Variants in CSMD1 observed in about 807,000 individuals in gnomAD.
CSMD1 encodes the protein CUB and sushi domain-containing protein 1.
A neutral mutation model predicts 417.5 loss-of-function variants in CSMD1; 213 were observed. That is an observed-to-expected ratio of 0.51 (90% CI 0.46 to 0.57). The LOEUF (loss-of-function observed/expected upper bound fraction) is 0.57, where lower values mean the gene tolerates loss of function less well. Among genes scored for constraint, CSMD1 ranks in the 20% least tolerant of loss-of-function variants. The probability of loss-of-function intolerance (pLI) is 0.00; values close to 1 mark genes in which losing one functional copy is unlikely to be tolerated. For missense variants in CSMD1, 6,923 were observed against 4,529.7 expected (o/e 1.53, Z -15.17); for synonymous variants, 2,862 against 1,736.8 (o/e 1.65, Z -16.11).
At chr8:4,083,457 T>C (rs1369865260) in intron 3 of CSMD1, among the ~76,000 whole-genome samples, 2 of 152,138 alleles carry the variant, frequency 1.3e-5, no homozygotes, top group South Asian at 2.1e-4. Context: ...AAGGCTACAG[T>C]AACCAAAACA....
chr8:3,746,138 G>T (rs186442672), intron 6 of CSMD1, among the ~76,000 whole-genome samples: 3 of 152,208 alleles, frequency 2.0e-5, no homozygotes, highest in Non-Finnish European at 2.9e-5. Flanking sequence ...GCATGAGACA[G>T]AGAACATGAA....
In CSMD1 at chr8:4,663,740, T is replaced by C. The variant is rs114710944; in HGVS notation, c.86-26182A>G. Reference sequence around the variant, plus strand: ...TCCCTCTTTTAAATAAATTGCCCAGTCACAGGTAGTTCTTTAAAGTAACGT... The same window carrying C: ...TCCCTCTTTTAAATAAATTGCCCAGCCACAGGTAGTTCTTTAAAGTAACGT... On this transcript the variant is annotated intron_variant, in intron 1 of 69. Transcript: ENST00000635120. Among the ~76,000 whole-genome samples the C allele has an allele frequency of 2.9e-3, 447 of 152,324 alleles. 3 individuals are homozygous for C. The highest frequency in any genetic ancestry group is 0.01 in the African/African-American group (427 of 41,566).
At chr8:3,839,270 A>G (rs1407553047) in intron 5 of CSMD1, among the ~76,000 whole-genome samples, 3 of 124,626 alleles carry the variant, frequency 2.4e-5, no homozygotes, top group African/African-American at 8.9e-5. Context: ...TATATATACT[A>G]TTAATATATA....
At chr8:3,277,559 G>T (rs1474133323) in intron 26 of CSMD1, among the ~76,000 whole-genome samples, 1 of 152,186 alleles carries the variant, frequency 6.6e-6, no homozygotes, top group Non-Finnish European at 1.5e-5. Context: ...GGCTCCAAAA[G>T]TTTCATCCTG....
chr8:4,078,208 A>AT (rs903946758), intron 3 of CSMD1, among the ~76,000 whole-genome samples: 5 of 151,156 alleles, frequency 3.3e-5, no homozygotes, highest in Middle Eastern at 3.4e-3. Flanking sequence ...TTTCTACATC[A>AT]TTTTTTTCTT....
At chr8:4,673,704 C>A (rs772594377) in intron 1 of CSMD1, among the ~76,000 whole-genome samples, 1 of 152,166 alleles carries the variant, frequency 6.6e-6, no homozygotes, top group Non-Finnish European at 1.5e-5. Context: ...AGAAAACCCA[C>A]AGCTGGTCAA....
At chr8:3,828,229 T>C (rs180756556) in intron 5 of CSMD1, among the ~76,000 whole-genome samples, 347 of 152,268 alleles carry the variant, frequency 2.3e-3, no homozygotes, top group Admixed American at 8.0e-3. Flanking sequence ...ACACTCTTAT[T>C]ATCATGAAAA....
At chr8:3,246,234 C>G (rs1356675854) in intron 26 of CSMD1, among the ~76,000 whole-genome samples, 3 of 152,124 alleles carry the variant, frequency 2.0e-5, no homozygotes, top group East Asian at 1.9e-4. Flanking sequence ...TCCACTGTGC[C>G]TCACCCACAC....
chr8:3,633,136 C>T (rs994806383), intron 7 of CSMD1, among the ~76,000 whole-genome samples: 2 of 152,060 alleles, frequency 1.3e-5, no homozygotes, highest in Non-Finnish European at 2.9e-5. Flanking sequence ...TTTATGTTAC[C>T]AAGAATTTAT....
chr8:3,312,024 T>A (rs997849033), intron 23 of CSMD1, among the ~76,000 whole-genome samples: 4 of 152,200 alleles, frequency 2.6e-5, no homozygotes, highest in African/African-American at 9.6e-5. Flanking sequence ...AAAATTAGTT[T>A]AAGAAGAAAC....
chr8:4,696,072 G>A (rs1190346289), intron 1 of CSMD1, among the ~76,000 whole-genome samples: 1 of 152,172 alleles, frequency 6.6e-6, no homozygotes. Context: ...GATTTTAACG[G>A]TATCTGGTTC....
intron 4 of CSMD1, among the ~76,000 whole-genome samples, chr8:4,021,567 G>A (rs1292898366): frequency 6.6e-6 from 1 of 152,152 alleles, no homozygotes; most frequent in Admixed American, 6.5e-5. Context: ...GTGCACCTGG[G>A]ATCATCCTCA....
At chr8:4,049,942 T>A (rs1043570933) in intron 3 of CSMD1, among the ~76,000 whole-genome samples, 15 of 152,200 alleles carry the variant, frequency 9.9e-5, no homozygotes, top group Non-Finnish European at 2.2e-4. Flanking sequence ...TGCGTTTACG[T>A]GCCGTTCCTC....
At chr8:4,906,809 C>G (rs1805312241) in intron 1 of CSMD1, among the ~76,000 whole-genome samples, 1 of 152,302 alleles carries the variant, frequency 6.6e-6, no homozygotes, top group South Asian at 2.1e-4. Context: ...CTGCCTGCCT[C>G]GGCCTCCCAT....
At chr8:4,052,665 G>A (rs17068773) in intron 3 of CSMD1, among the ~76,000 whole-genome samples, 1 of 151,960 alleles carries the variant, frequency 6.6e-6, no homozygotes, top group Non-Finnish European at 1.5e-5. Flanking sequence ...CTGATAGAAG[G>A]AATCATCCCA....
At chr8:3,469,426 A>T (rs2117190143) in intron 11 of CSMD1, among the ~76,000 whole-genome samples, 1 of 152,076 alleles carries the variant, frequency 6.6e-6, no homozygotes, top group South Asian at 2.1e-4. Flanking sequence ...TTTATTGAAC[A>T]CTCCCCCCGC....
intron 12 of CSMD1, among the ~76,000 whole-genome samples, chr8:3,411,356 C>T (rs1812687902): frequency 6.7e-6 from 1 of 149,100 alleles, no homozygotes; most frequent in South Asian, 2.1e-4. Context: ...CTAACTACTT[C>T]CTTTCCTTTT....
At chr8:3,576,268 A>T (rs1800146894) in intron 9 of CSMD1, among the ~76,000 whole-genome samples, 1 of 147,676 alleles carries the variant, frequency 6.8e-6, no homozygotes, top group Non-Finnish European at 1.5e-5. Context: ...ATGCATGTCA[A>T]AATAATAATA....
chr8:4,254,417 C>T (rs1430401571), intron 3 of CSMD1, among the ~76,000 whole-genome samples: 3 of 152,182 alleles, frequency 2.0e-5, no homozygotes, highest in Non-Finnish European at 2.9e-5. Flanking sequence ...ATTCAGCAGT[C>T]CCCTTAGATT....
Sources: gnomAD v4.1 joint callset for allele counts (sites outside exome capture counted in the v4.1 genomes callset) on GRCh38, gnomAD v4.1.1 for gene constraint, MANE v1.5 for transcripts, NCBI Gene and HGNC (gene_info 2026-07-23, HGNC 2026-07-21) for gene names.